Variants in CPAMD8 observed in about 807,000 individuals in gnomAD.
CPAMD8 encodes the protein C3 and PZP like alpha-2-macroglobulin domain containing 8.
A neutral mutation model predicts 224.7 loss-of-function variants in CPAMD8; 146 were observed. The ratio of observed to expected loss-of-function variants is 0.65; its 90% confidence interval spans 0.57 to 0.75. The LOEUF (loss-of-function observed/expected upper bound fraction) is 0.75, where lower values mean the gene tolerates loss of function less well. Among genes scored for constraint, CPAMD8 ranks in the 30% least tolerant of loss-of-function variants. The pLI is 0.00. For missense variants in CPAMD8, 2,301 were observed against 2,537.5 expected (o/e 0.91, Z 2.00); for synonymous variants, 966 against 1,044.6 (o/e 0.92, Z 1.45).
At chr19:16,925,496 G>A (rs2053328480) in intron 25 of CPAMD8, 124 bp from the exon 26 acceptor site, 1 of 741,594 alleles carries the variant, frequency 1.3e-6, no homozygotes, top group Non-Finnish European at 2.3e-6. Context: ...TGCCCTTTGG[G>A]ACTGGCACCC....
intron 17 of CPAMD8, among the ~76,000 whole-genome samples, chr19:16,971,852 G>A (rs1231328908): frequency 6.6e-6 from 1 of 152,078 alleles, no homozygotes; most frequent in East Asian, 1.9e-4. Flanking sequence ...TTCAACACCA[G>A]CCTGGCCAAC....
intron 36 of CPAMD8, among the ~76,000 whole-genome samples, chr19:16,900,697 G>A (rs1568449779): frequency 6.6e-6 from 1 of 151,908 alleles, no homozygotes. Context: ...AGACAGATGG[G>A]CCATTTTTGC....
chr19:16,956,729 G>A (rs1000286590), intron 19 of CPAMD8, among the ~76,000 whole-genome samples: 7 of 151,808 alleles, frequency 4.6e-5, no homozygotes, highest in African/African-American at 7.2e-5. Flanking sequence ...GAGCAGTGGC[G>A]CCATCTTGGC....
chr19:16,987,862 C>G (rs978498472), intron 13 of CPAMD8, among the ~76,000 whole-genome samples: 1 of 151,810 alleles, frequency 6.6e-6, no homozygotes, highest in South Asian at 2.1e-4. Flanking sequence ...TGTGATTTCA[C>G]CATGTTGCCC....
At position 16,970,896 on chromosome 19, in the gene CPAMD8, G is replaced by C; in HGVS notation, c.2208C>G (p.Pro736=). 1 of 1,613,538 alleles carries C rather than the reference G, an allele frequency of 6.2e-7. No homozygotes were observed. Among genetic ancestry groups the C allele is most frequent in the African/African-American group, 1.3e-5 (1 of 75,012 alleles). Residue 736 remains proline, a synonymous_variant, in exon 18 of 42, where the codon CCC becomes CCG. Coordinates refer to ENST00000443236, the MANE Select transcript of CPAMD8 (RefSeq NM_015692.5). ...SLVAVAPSRH[P]PRTEKRKRTF... Reference sequence around the variant, plus strand: ...CTCAATGTATAAGCCGTTACCTGGGGGGGTGCCTGGAAGGAGCCACTGCCA... The same window carrying C: ...CTCAATGTATAAGCCGTTACCTGGGCGGGTGCCTGGAAGGAGCCACTGCCA...
chr19:16,906,665 A>T (rs1380780456), intron 30 of CPAMD8, among the ~76,000 whole-genome samples: 1 of 151,896 alleles, frequency 6.6e-6, no homozygotes, highest in African/African-American at 2.4e-5. Flanking sequence ...TGCTGGAATT[A>T]CAGGCGTGAG....
intron 29 of CPAMD8, among the ~76,000 whole-genome samples, chr19:16,913,206 G>A (rs570755853): frequency 1.3e-5 from 2 of 152,238 alleles, no homozygotes; most frequent in South Asian, 4.2e-4. Context: ...ACTTCCATGG[G>A]AGATGTGGAG....
At chr19:16,938,617 G>A (rs1235723046) in intron 22 of CPAMD8, among the ~76,000 whole-genome samples, 171 bp from the exon 23 acceptor site, 2 of 152,280 alleles carry the variant, frequency 1.3e-5, no homozygotes, top group African/African-American at 2.4e-5. Context: ...GGTGCGTGGA[G>A]CAGGACAGGG....
At chr19:17,018,173 A>G (rs1478078590) in intron 3 of CPAMD8, among the ~76,000 whole-genome samples, 1 of 152,128 alleles carries the variant, frequency 6.6e-6, no homozygotes, top group Non-Finnish European at 1.5e-5. Flanking sequence ...ATAATTCTCA[A>G]TTTAGCCCAT....
chr19:16,967,213 A>G (rs1013994176), intron 18 of CPAMD8, among the ~76,000 whole-genome samples: 1 of 152,054 alleles, frequency 6.6e-6, no homozygotes, highest in African/African-American at 2.4e-5. Context: ...GCCAGAAACC[A>G]TCATTCTCAG....
At chr19:16,957,527 T>G in intron 19 of CPAMD8, 2 of 249,754 alleles carry the variant, frequency 8.0e-6, no homozygotes, top group South Asian at 9.7e-5. Flanking sequence ...GGAGTGGGGG[T>G]AGGTGGAGTC....
At chr19:16,951,089 C>T (rs978346029) in intron 20 of CPAMD8, among the ~76,000 whole-genome samples, 2 of 152,156 alleles carry the variant, frequency 1.3e-5, no homozygotes, top group Non-Finnish European at 2.9e-5. Flanking sequence ...AACAGCCCTG[C>T]TTAATGTTCT....
chr19:16,973,619 G>A (rs571111942), intron 17 of CPAMD8, among the ~76,000 whole-genome samples: 74 of 152,160 alleles, frequency 4.9e-4, no homozygotes, highest in Non-Finnish European at 2.1e-4. Context: ...AAAGTGCTGG[G>A]ATTACAGGCG....
chr19:16,997,227 C>G lies in CPAMD8; in HGVS notation c.979G>C (p.Gly327Arg), dbSNP rs369025323. ...SIWAMVTSVD[G>R]SQQVAFDDST... is the part of the protein sequence containing the mutation. ...TCATCGAACGCGACCTGCTGGCTCC[C>G]GTCCACACTGGTCACCATGGCCCAG... Residue 327 changes from glycine (G) to arginine (R), a missense_variant, in exon 11 of 42, where the codon GGG (glycine) becomes CGG (arginine). Gly to Arg is a moderately radical substitution (Grantham distance 125). Coordinates refer to ENST00000443236, the MANE Select transcript of CPAMD8 (RefSeq NM_015692.5). 2 of 1,561,236 alleles carry G rather than the reference C, an allele frequency of 1.3e-6. No individual in the cohort carries two copies. The highest frequency in any genetic ancestry group is 1.7e-5 in the Admixed American group (1 of 59,746).
rs561911890 is a variant in CPAMD8, at chr19:16,906,043, G to A, written c.4027+909C>T. ...ATTTCCAGGAAGCCTGGCCGGAGGC[G>A]GGGGATGCGTTCTCTGCTGGGGATC... is the stretch of plus-strand genomic sequence containing the variant. On this transcript the variant is annotated intron_variant, in intron 30 of 41. Transcript: ENST00000443236. Among the ~76,000 whole-genome samples, 6 of 152,226 alleles carry A rather than the reference G, an allele frequency of 3.9e-5. No individual in the cohort carries two copies. In the East Asian group the frequency reaches 7.7e-4, roughly 20 times the overall value.
At chr19:17,003,931 G>C (rs1486193344) in intron 8 of CPAMD8, among the ~76,000 whole-genome samples, 1 of 149,656 alleles carries the variant, frequency 6.7e-6, no homozygotes, top group Non-Finnish European at 1.5e-5. Context: ...TTTTGAGACA[G>C]AGTCTCGCCC....
intron 13 of CPAMD8, among the ~76,000 whole-genome samples, chr19:16,983,005 C>T (rs1161646159): frequency 6.6e-6 from 1 of 152,154 alleles, no homozygotes; most frequent in Non-Finnish European, 1.5e-5. Flanking sequence ...TTCCTTTTCA[C>T]TTGGTTCCCA....
At chr19:16,979,385 T>TCCA (rs1599836055) in intron 14 of CPAMD8, among the ~76,000 whole-genome samples, 3 of 126,450 alleles carry the variant, frequency 2.4e-5, no homozygotes, top group Admixed American at 7.8e-5. Context: ...CATCTGTCCA[T>TCCA]TCATCCATCC....
rs577091930 is a variant in CPAMD8, at chr19:17,014,308, C to T, written c.268-2551G>A. On this transcript the variant is annotated intron_variant, in intron 3 of 41. Coordinates refer to ENST00000443236, the MANE Select transcript of CPAMD8 (RefSeq NM_015692.5). Reference sequence around the variant, plus strand: ...TCCTGGGCTCATGTGATCCTCCCGACTCAGCCTCCCAAAGTGCTGGGATTA... The same window carrying T: ...TCCTGGGCTCATGTGATCCTCCCGATTCAGCCTCCCAAAGTGCTGGGATTA... Among the ~76,000 whole-genome samples, 4 of 152,262 alleles carry T rather than the reference C, an allele frequency of 2.6e-5. No homozygotes were observed. The South Asian group carries it at 8.3e-4, about 32-fold the overall frequency.
Sources: allele counts gnomAD v4.1 joint callset (sites outside exome capture counted in the v4.1 genomes callset), GRCh38; gene constraint gnomAD v4.1.1; transcripts MANE v1.5; gene names NCBI Gene and HGNC (gene_info 2026-07-23, HGNC 2026-07-21).